SI: variants seen among roughly 807,000 people sequenced by gnomAD.
SI encodes the protein sucrase-isomaltase, intestinal.
SI carries 235 observed loss-of-function variants against 253.3 expected under a neutral mutation model. The ratio of observed to expected loss-of-function variants is 0.93; its 90% CI spans 0.83 to 1.03. SI has a LOEUF of 1.03. SI is among the 50% of genes least tolerant of loss of function. The pLI, the probability that SI is intolerant of heterozygous loss-of-function variation, is 0.00. For synonymous variants in SI, 819 were observed against 712.0 expected (o/e 1.15, Z -2.39); for missense variants, 2,442 against 2,211.1 (o/e 1.10, Z -2.09).
At chr3:164,986,463 A>G (rs1717441953) in intron 45 of SI, among the ~76,000 whole-genome samples, 2 of 152,204 alleles carry the variant, frequency 1.3e-5, no homozygotes, top group African/African-American at 4.8e-5. Context: ...TAAGCCAACA[A>G]GAATGTGGAC....
intron 3 of SI, among the ~76,000 whole-genome samples, chr3:165,071,058 C>T (rs886702358): frequency 2.6e-5 from 4 of 152,054 alleles, no homozygotes; most frequent in Admixed American, 6.6e-5. Context: ...CTTATAAGGA[C>T]GTTAGTCATT....
chr3:164,985,366 G>T (rs1717387522), intron 45 of SI, among the ~76,000 whole-genome samples: 1 of 152,108 alleles, frequency 6.6e-6, no homozygotes, highest in Non-Finnish European at 1.5e-5. Flanking sequence ...AAACTTCATA[G>T]ACCCTCAGTC....
intron 2 of SI, among the ~76,000 whole-genome samples, chr3:165,075,036 A>G (rs1714861469): frequency 6.6e-6 from 1 of 152,020 alleles, no homozygotes; most frequent in South Asian, 2.1e-4. Context: ...AAACATATAG[A>G]GAAGGTGAGA....
At position 165,008,551 on chromosome 3, in the gene SI, T is replaced by C. The variant is rs143713185; in HGVS notation, c.4180-553A>G. ...TGGATCCAGATGACATTCTCAGGAA[T>C]ATACTTAAGAGAATCCCTTATGGTA... On this transcript the variant is annotated intron_variant, in intron 35 of 47. Transcript: ENST00000264382. Among the ~76,000 whole-genome samples the C allele has an allele frequency of 6.2e-3, 949 of 152,134 alleles. 3 individuals are homozygous for C. Among genetic ancestry groups the C allele is most frequent in the Non-Finnish European group, 1.0e-2 (678 of 67,888 alleles).
intron 24 of SI, among the ~76,000 whole-genome samples, chr3:165,031,824 G>A (rs1712262793): frequency 6.6e-6 from 1 of 150,904 alleles, no homozygotes; most frequent in South Asian, 2.1e-4. Context: ...ACTACCCAAA[G>A]CAACATTATG....
chr3:165,083,733 ACCTTCTTTGG>A, the SI span, among the ~76,000 whole-genome samples: 1 of 152,020 alleles, frequency 6.6e-6, no homozygotes, highest in Non-Finnish European at 1.5e-5. Context: ...ATTATCTATT[ACCTTCTTTGG>A]CCTTCCATTA....
intron 33 of SI, 115 bp downstream of exon 33, chr3:165,015,008 T>A: frequency 1.4e-6 from 1 of 736,822 alleles, no homozygotes; most frequent in Non-Finnish European, 2.3e-6. Context: ...AGTTATTAAA[T>A]CATTACATTT....
Position 164,998,593 on chromosome 3 carries a change from T to C in SI, c.4487A>G (p.His1496Arg). 1 of 1,612,284 alleles carries C rather than the reference T, an allele frequency of 6.2e-7. No individual in the cohort carries two copies. Among genetic ancestry groups the C allele is most frequent in the Admixed American group, 1.7e-5 (1 of 59,810 alleles). Residue 1496 changes from histidine to arginine, a missense_variant, in exon 38 of 48, where the codon CAC becomes CGC. Coordinates refer to ENST00000264382, the MANE Select transcript of SI (RefSeq NM_001041.4). ...TYPTSGRWGG[H>R]WLGDNYARWD... ...TCGTGCATAGTTGTCTCCAAGCCAGTGTCCTCCCCATCGTCCACTAGTAGG... is the reference window on the plus strand; with the variant it reads ...TCGTGCATAGTTGTCTCCAAGCCAGCGTCCTCCCCATCGTCCACTAGTAGG...
intron 33 of SI, among the ~76,000 whole-genome samples, chr3:165,014,531 G>T (rs946550888): frequency 1.1e-4 from 17 of 152,146 alleles, no homozygotes; most frequent in African/African-American, 4.1e-4. Flanking sequence ...TTACAGGCGT[G>T]AGCCACCACG....
Position 165,017,556 on chromosome 3 carries a change from T to A in SI, c.3751A>T (p.Ile1251Phe). The A allele has an allele frequency of 6.2e-7, 1 of 1,611,962 alleles. No homozygotes were observed. The highest frequency in any genetic ancestry group is 8.5e-7 in the Non-Finnish European group (1 of 1,178,422). ...AAAATTGATATACATACATAGGGGA[T>A]GTTAGCAGCCACCATAGCGTCATAT... is the stretch of plus-strand genomic sequence containing the variant. ...ELYDAMVAAN[I>F]PYDVQYTDID... Residue 1251 changes from isoleucine to phenylalanine, a missense_variant, in exon 31 of 48, where the codon ATC (isoleucine) becomes TTC (phenylalanine). Coordinates refer to ENST00000264382, the MANE Select transcript of SI (RefSeq NM_001041.4).
chr3:164,987,604 G>A (rs1200783306), intron 44 of SI, among the ~76,000 whole-genome samples: 2 of 152,056 alleles, frequency 1.3e-5, no homozygotes, highest in African/African-American at 2.4e-5. Context: ...AGCTACTTGG[G>A]AGGCTGAGGC....
chr3:165,001,838 T>C (rs1453462485), intron 37 of SI, among the ~76,000 whole-genome samples: 1 of 151,526 alleles, frequency 6.6e-6, no homozygotes, highest in Non-Finnish European at 1.5e-5. Context: ...GACCACTTCC[T>C]ATAGTTTACA....
chr3:165,059,784 C>G, intron 10 of SI, 118 bp downstream of exon 10: 1 of 1,037,910 alleles, frequency 9.6e-7, no homozygotes, highest in South Asian at 1.4e-5. Context: ...TAAAAGGCAG[C>G]CTCTTAATTA....
At position 165,036,428 on chromosome 3, in the gene SI, C is replaced by CTGTG. The variant is rs1193086998; in HGVS notation, c.2472_2475dup (p.Ala826HisfsTer10). The CTGTG allele has an allele frequency of 6.2e-7, 1 of 1,611,632 alleles. No individual in the cohort carries two copies. The highest frequency in any genetic ancestry group is 8.5e-7 in the Non-Finnish European group (1 of 1,178,440). On this transcript the variant is annotated frameshift_variant, in exon 22 of 48. Transcript: ENST00000264382. LOFTEE classifies it high-confidence loss of function. ...TCATCCCAGAAAAAGTCTCCTTTGG[C>CTGTG]TGTGTTGTTTTCACCTAATGCGACT...
chr3:164,980,791 T>C (rs568468141), intron 47 of SI, among the ~76,000 whole-genome samples: 2 of 152,024 alleles, frequency 1.3e-5, no homozygotes, highest in South Asian at 4.1e-4. Context: ...CCCCAAAATA[T>C]TAAAATATCT....
intron 44 of SI, among the ~76,000 whole-genome samples, chr3:164,991,102 G>T (rs1245176429): frequency 6.6e-6 from 1 of 152,060 alleles, no homozygotes; most frequent in Non-Finnish European, 1.5e-5. Context: ...TGCAACATCT[G>T]CCTGGGTCGC....
chr3:165,049,972 A>G (rs185771680), intron 13 of SI, 97 bp from the exon 14 acceptor site: 172 of 786,624 alleles, frequency 2.2e-4, no homozygotes, highest in Non-Finnish European at 3.5e-4. Flanking sequence ...TATATAAGAT[A>G]ACCATAATGC....
intron 21 of SI, among the ~76,000 whole-genome samples, chr3:165,037,308 GA>G (rs1470375541): frequency 1.5e-4 from 23 of 151,982 alleles, no homozygotes; most frequent in Non-Finnish European, 2.9e-5. Context: ...GCAGAATAGG[GA>G]AAAGTATGTA....
intron 22 of SI, among the ~76,000 whole-genome samples, chr3:165,034,153 A>G (rs1576899005): frequency 6.6e-6 from 1 of 152,034 alleles, no homozygotes; most frequent in East Asian, 1.9e-4. Context: ...ATAATATTAT[A>G]TTCAGAACCT....
Sources: allele counts gnomAD v4.1 joint callset (sites outside exome capture counted in the v4.1 genomes callset), GRCh38; gene constraint gnomAD v4.1.1; transcripts MANE v1.5; gene names NCBI Gene and HGNC (gene_info 2026-07-23, HGNC 2026-07-21).